The following SRPK2 variants were observed in gnomAD, a reference collection of about 807,000 sequenced individuals.
SRPK2 encodes SFRS protein kinase 2.
Under a neutral mutation model 90.8 loss-of-function variants are expected in SRPK2, and 21 were observed. The ratio of observed to expected loss-of-function variants is 0.23; its 90% CI spans 0.16 to 0.33. SRPK2 has a LOEUF of 0.33. Among genes scored for constraint, SRPK2 ranks in the 10% least tolerant of loss-of-function variants. The pLI, the probability that SRPK2 is intolerant of heterozygous loss-of-function variation, is 1.00. For missense variants in SRPK2, 620 were observed against 869.0 expected, an observed-to-expected ratio of 0.71 and a Z score of 3.60; for synonymous variants, 288 against 311.1, an observed-to-expected ratio of 0.93 and a Z score of 0.78.
chr7:105,247,529 TAAAC>T (rs1801849037), intron 2 of SRPK2, among the ~76,000 whole-genome samples: 1 of 46,196 alleles, frequency 2.2e-5, no homozygotes, highest in African/African-American at 3.5e-5. Flanking sequence ...CACACACACA[TAAAC>T]ACACACACAC....
intron 2 of SRPK2, among the ~76,000 whole-genome samples, chr7:105,242,164 C>G (rs548940809): frequency 3.3e-5 from 5 of 152,290 alleles, no homozygotes; most frequent in African/African-American, 9.6e-5. Flanking sequence ...AACCTTAGAG[C>G]TCTAAGTTAA....
At chr7:105,301,921 T>A (rs1210022468) in intron 2 of SRPK2, 45 of 1,608,812 alleles carry the variant, frequency 2.8e-5, no homozygotes, top group Non-Finnish European at 3.3e-5. Flanking sequence ...AAACTCCTAA[T>A]ACAGCCCCAT....
chr7:105,383,052 A>ATTTTTTTTTT lies in SRPK2; in HGVS notation c.71+5595_71+5596insAAAAAAAAAA, dbSNP rs1563315577. Among the ~76,000 whole-genome samples, 157 of 105,318 alleles carry ATTTTTTTTTT rather than the reference A, an allele frequency of 1.5e-3. 34 individuals carry two copies. The highest frequency in any genetic ancestry group is 5.4e-3 in the African/African-American group (143 of 26,552). 69.1% of individuals were successfully genotyped at this position (105,318 alleles called of 152,430 possible). A position where few individuals can be genotyped will look rare whatever the true frequency, so the allele number is the denominator to read the frequency against. On this transcript the variant is annotated intron_variant, in intron 2 of 15. Transcript: ENST00000393651. Reference sequence around the variant, plus strand: ...AGTCTGAAATTATTTCAAAAGTAAAAATTTTTTTTTTTTTTTTTTTTTTTT... The same window carrying ATTTTTTTTTT: ...AGTCTGAAATTATTTCAAAAGTAAAATTTTTTTTTTATTTTTTTTTTTTTTTTTTTTTTTT...
intron 11 of SRPK2, among the ~76,000 whole-genome samples, chr7:105,140,733 C>T (rs1473732805): frequency 6.6e-6 from 1 of 151,844 alleles, no homozygotes. Flanking sequence ...GAAGCTGAGG[C>T]GGGTGGATCA....
chr7:105,189,972 T>TCTCA (rs775326645), intron 3 of SRPK2, among the ~76,000 whole-genome samples: 3 of 152,226 alleles, frequency 2.0e-5, no homozygotes, highest in African/African-American at 7.2e-5. Context: ...TGAACTGGTC[T>TCTCA]CTCACCACTG....
At chr7:105,398,295 G>T (rs1317487973) in intron 1 of SRPK2, among the ~76,000 whole-genome samples, 1 of 151,984 alleles carries the variant, frequency 6.6e-6, no homozygotes, top group Non-Finnish European at 1.5e-5. Flanking sequence ...ATCTTAGAAG[G>T]TGTATTTAAT....
At chr7:105,302,178 T>C (rs1810628549) in intron 2 of SRPK2, 1 of 888,194 alleles carries the variant, frequency 1.1e-6, no homozygotes, top group African/African-American at 1.7e-5. Context: ...TTGAGGTGGC[T>C]TTTTATAAAA....
intron 3 of SRPK2, among the ~76,000 whole-genome samples, chr7:105,171,722 C>G (rs886856655): frequency 6.6e-6 from 1 of 152,134 alleles, no homozygotes; most frequent in Non-Finnish European, 1.5e-5. Context: ...ACTTGCTTGT[C>G]CTGGATTTGA....
chr7:105,170,967 G>GAAAAGAAAGAA (rs66735717), intron 3 of SRPK2, among the ~76,000 whole-genome samples: 1 of 74,462 alleles, frequency 1.3e-5, no homozygotes, highest in African/African-American at 5.4e-5. Flanking sequence ...AAGAAAGAAA[G>GAAAAGAAAGAA]AGAAAGAAAG....
At position 105,116,815 on chromosome 7, in the gene SRPK2, T is replaced by C. The variant is rs1455302133; in HGVS notation, c.*1023A>G. ...TATGGAATGAATGTGATCACTGTTA[T>C]CTTTGAGCTGTGAGAAGTATTCTGC... On this transcript the variant is annotated 3_prime_UTR_variant, in exon 16 of 16. Transcript: ENST00000393651. The C allele has an allele frequency of 4.6e-5, 7 of 152,400 alleles. 1 individual carries two copies. Among genetic ancestry groups the C allele is most frequent in the African/African-American group, 1.7e-4 (7 of 41,580 alleles). 9.4% of individuals were successfully genotyped at this position (152,400 alleles called of 1,614,324 possible). A position where few individuals can be genotyped will look rare whatever the true frequency, so the allele number is the denominator to read the frequency against.
chr7:105,115,219 G>GAAAT (rs1281337864), downstream of SRPK2: 1 of 152,162 alleles, frequency 6.6e-6, no homozygotes, highest in African/African-American at 2.4e-5. Context: ...GAGAATTTAG[G>GAAAT]AAATAACCTG....
At chr7:105,351,080 G>A (rs73716657) in intron 2 of SRPK2, among the ~76,000 whole-genome samples, 3 of 152,138 alleles carry the variant, frequency 2.0e-5, no homozygotes, top group African/African-American at 4.8e-5. Context: ...GTGTCATGAC[G>A]GTTCTGCCCT....
At chr7:105,332,345 C>T (rs1364182207) in intron 2 of SRPK2, among the ~76,000 whole-genome samples, 2 of 152,180 alleles carry the variant, frequency 1.3e-5, no homozygotes, top group Non-Finnish European at 2.9e-5. Context: ...TAGCATTGCT[C>T]ATAACTTTGG....
chr7:105,199,990 C>T (rs980454434), intron 3 of SRPK2, among the ~76,000 whole-genome samples: 8 of 151,402 alleles, frequency 5.3e-5, no homozygotes, highest in Admixed American at 5.3e-4. Flanking sequence ...GCATATCCTA[C>T]TGTACTTGAA....
rs532798755 is a variant in SRPK2, at chr7:105,116,700, T to C, written c.*1138A>G. The stretch of plus-strand genomic sequence containing the variant: ...TGCATAAACAAAACTGTGTGCAACC[T>C]GCAAAGGGAAAATCATTTTCTCAAC... On this transcript the variant is annotated 3_prime_UTR_variant, in exon 16 of 16. Coordinates refer to ENST00000393651, the MANE Select transcript of SRPK2 (RefSeq NM_182692.3). 1.3e-5 allele frequency: 2 copies of C among 152,750 alleles called. No individual in the cohort carries two copies. Among genetic ancestry groups the C allele is most frequent in the African/African-American group, 4.8e-5 (2 of 41,578 alleles). 9.5% of individuals were successfully genotyped at this position (152,750 alleles called of 1,614,324 possible).
intron 2 of SRPK2, among the ~76,000 whole-genome samples, chr7:105,367,382 C>A (rs1396279493): frequency 6.6e-6 from 1 of 152,138 alleles, no homozygotes; most frequent in African/African-American, 2.4e-5. Flanking sequence ...CCCGCCTCAG[C>A]CTCCTGAGTA....
intron 2 of SRPK2, among the ~76,000 whole-genome samples, chr7:105,241,018 T>C (rs1800747191): frequency 6.6e-6 from 1 of 152,164 alleles, no homozygotes; most frequent in Non-Finnish European, 1.5e-5. Context: ...AGCAAAAAGA[T>C]GTAAGAACTC....
intron 2 of SRPK2, among the ~76,000 whole-genome samples, chr7:105,254,413 T>C (rs979540640): frequency 6.6e-6 from 1 of 152,194 alleles, no homozygotes; most frequent in Non-Finnish European, 1.5e-5. Flanking sequence ...AAACACTCCT[T>C]TATAAAGAGC....
chr7:105,370,148 C>T (rs1360710901), intron 2 of SRPK2, among the ~76,000 whole-genome samples: 1 of 152,148 alleles, frequency 6.6e-6, no homozygotes, highest in Non-Finnish European at 1.5e-5. Flanking sequence ...AAATGAAGCA[C>T]CCAGCCACAA....
Sources: allele counts gnomAD v4.1 joint callset (sites outside exome capture counted in the v4.1 genomes callset), GRCh38; gene constraint gnomAD v4.1.1; transcripts MANE v1.5; gene names NCBI Gene and HGNC (gene_info 2026-07-23, HGNC 2026-07-21).